The following NELL1 variants were observed in gnomAD, a reference collection of about 807,000 sequenced individuals.
NELL1 encodes protein kinase C-binding protein NELL1.
A neutral mutation model predicts 107.4 loss-of-function variants in NELL1; 76 were observed. That is an observed-to-expected ratio of 0.71 (90% CI 0.59 to 0.86). The LOEUF (loss-of-function observed/expected upper bound fraction) is 0.86. Among genes scored for constraint, NELL1 ranks in the 40% least tolerant of loss-of-function variants. The pLI is 0.00. For synonymous variants in NELL1, 353 were observed against 341.2 expected, an observed-to-expected ratio of 1.03 and a Z score of -0.38; for missense variants, 1,024 against 1,005.5, an observed-to-expected ratio of 1.02 and a Z score of -0.25.
intron 16 of NELL1, among the ~76,000 whole-genome samples, chr11:21,551,651 G>C (rs1856588210): frequency 6.6e-6 from 1 of 151,644 alleles, no homozygotes; most frequent in Admixed American, 6.6e-5. Flanking sequence ...GTGCTGGAAA[G>C]GATGTGGAGA....
intron 12 of NELL1, among the ~76,000 whole-genome samples, chr11:21,038,849 A>T (rs1003301504): frequency 6.6e-6 from 1 of 152,200 alleles, no homozygotes; most frequent in Non-Finnish European, 1.5e-5. Context: ...GTCACTAAGC[A>T]TGCTGTTTAT....
At chr11:21,542,091 A>C (rs988619523) in intron 16 of NELL1, among the ~76,000 whole-genome samples, 25 of 152,074 alleles carry the variant, frequency 1.6e-4, no homozygotes, top group Non-Finnish European at 7.4e-5. Flanking sequence ...TTAACCGAAC[A>C]ACTACATGAT....
In NELL1 at chr11:21,327,512, C is replaced by A. The variant is rs138909829; in HGVS notation, c.1550-43341C>A. Among the ~76,000 whole-genome samples the A allele has an allele frequency of 3.3e-3, 499 of 152,198 alleles. 15 individuals carry two copies. The East Asian group carries it at 0.059, about 18-fold the overall frequency. ...AACTGTGAGTCAATTAAACCTCTTTCCTTTATAAATTACCTAGTCTCCAGT... is the reference window on the plus strand; with the variant it reads ...AACTGTGAGTCAATTAAACCTCTTTACTTTATAAATTACCTAGTCTCCAGT... On this transcript the variant is annotated intron_variant, in intron 14 of 19. Coordinates refer to ENST00000357134, the MANE Select transcript of NELL1 (RefSeq NM_006157.5).
At chr11:21,312,401 TTTAAG>T (rs1232647370) in intron 14 of NELL1, among the ~76,000 whole-genome samples, 3 of 152,036 alleles carry the variant, frequency 2.0e-5, no homozygotes, top group Non-Finnish European at 2.9e-5. Flanking sequence ...TTTGTCCAAA[TTTAAG>T]TTAACACATT....
chr11:21,574,864 T>C, intron 19 of NELL1, 108 bp from the exon 20 acceptor site: 2 of 873,452 alleles, frequency 2.3e-6, no homozygotes, highest in Non-Finnish European at 3.7e-6. Flanking sequence ...TATAGCCTTC[T>C]TGAAGTTTGT....
At chr11:20,945,351 C>T (rs1419651150) in intron 10 of NELL1, among the ~76,000 whole-genome samples, 2 of 152,238 alleles carry the variant, frequency 1.3e-5, no homozygotes, top group South Asian at 2.1e-4. Flanking sequence ...ATATCCCATA[C>T]CATTCATTCA....
intron 13 of NELL1, among the ~76,000 whole-genome samples, chr11:21,180,840 T>G (rs185819371): frequency 4.0e-5 from 6 of 151,444 alleles, no homozygotes; most frequent in Non-Finnish European, 7.4e-5. Context: ...AAAGAAATCT[T>G]TCTCCATGGA....
intron 15 of NELL1, among the ~76,000 whole-genome samples, chr11:21,396,874 G>A (rs1015135645): frequency 5.9e-5 from 9 of 151,690 alleles, no homozygotes; most frequent in Middle Eastern, 3.4e-3. Context: ...GAGACTGTAC[G>A]TAACACTGTG....
At chr11:20,866,767 T>A (rs186190885) in intron 4 of NELL1, among the ~76,000 whole-genome samples, 148 of 152,318 alleles carry the variant, frequency 9.7e-4, no homozygotes, top group Non-Finnish European at 1.8e-3. Context: ...GAAGGACTAT[T>A]CATTGTGTAA....
chr11:21,101,742 C>T (rs556457751), intron 12 of NELL1, among the ~76,000 whole-genome samples: 93 of 152,192 alleles, frequency 6.1e-4, no homozygotes, highest in African/African-American at 2.1e-3. Flanking sequence ...GATATTAGCC[C>T]TTTGTCAGAT....
intron 4 of NELL1, among the ~76,000 whole-genome samples, chr11:20,853,732 A>G (rs1290649022): frequency 1.3e-5 from 2 of 152,214 alleles, no homozygotes; most frequent in Non-Finnish European, 2.9e-5. Context: ...CATAATGTGT[A>G]ATGTAGATTC....
At chr11:20,838,828 C>A (rs1429780) in intron 3 of NELL1, among the ~76,000 whole-genome samples, 80,033 of 151,966 alleles carry the variant, frequency 0.53, 24,854 homozygotes, top group Non-Finnish European at 0.7. Context: ...ACAACTACAA[C>A]CACCACTATA....
chr11:21,082,457 T>C (rs934844771), intron 12 of NELL1, among the ~76,000 whole-genome samples: 1 of 152,190 alleles, frequency 6.6e-6, no homozygotes, highest in African/African-American at 2.4e-5. Context: ...TGTCATTATA[T>C]GACAATTTTC....
chr11:20,915,717 A>ATATATATATAT, intron 5 of NELL1, among the ~76,000 whole-genome samples: 9 of 58,224 alleles, frequency 1.5e-4, no homozygotes, highest in South Asian at 5.9e-4. Flanking sequence ...ATATATATAT[A>ATATATATATAT]TTTTTTTTTT....
chr11:20,800,946 C>T (rs373059239), intron 3 of NELL1, among the ~76,000 whole-genome samples: 2 of 151,988 alleles, frequency 1.3e-5, no homozygotes, highest in Non-Finnish European at 2.9e-5. Flanking sequence ...TATCCTTCCA[C>T]AATTAAAAAA....
At chr11:21,076,578 C>T (rs1416618036) in intron 12 of NELL1, among the ~76,000 whole-genome samples, 1 of 152,146 alleles carries the variant, frequency 6.6e-6, no homozygotes, top group Non-Finnish European at 1.5e-5. Flanking sequence ...GCCAGCGGAG[C>T]TGTATTTGAT....
intron 15 of NELL1, among the ~76,000 whole-genome samples, chr11:21,441,377 G>C (rs934958249): frequency 7.9e-6 from 1 of 126,682 alleles, no homozygotes; most frequent in Non-Finnish European, 1.6e-5. Context: ...GTGTGTGTGT[G>C]TGTGTTCTAT....
intron 16 of NELL1, among the ~76,000 whole-genome samples, chr11:21,540,937 T>C (rs1856276727): frequency 6.6e-6 from 1 of 152,144 alleles, no homozygotes; most frequent in Non-Finnish European, 1.5e-5. Context: ...CATTCAGTTC[T>C]TCTAATAATA....
At position 21,541,837 on chromosome 11, in the gene NELL1, G is replaced by C. The variant is rs188257857; in HGVS notation, c.1786+7323G>C. ...ATTTCCTGACAAGTATTATATGATA[G>C]TCAACATTTAACCTCCCTTCACCTC... is the stretch of plus-strand genomic sequence containing the variant. On this transcript the variant is annotated intron_variant, in intron 16 of 19. Coordinates refer to ENST00000357134, the MANE Select transcript of NELL1 (RefSeq NM_006157.5). Among the ~76,000 whole-genome samples, 9 of 152,150 alleles carry C rather than the reference G, an allele frequency of 5.9e-5. 1 individual carries two copies. Among genetic ancestry groups the C allele is most frequent in the African/African-American group, 1.9e-4 (8 of 41,540 alleles).
Sources: gnomAD v4.1 joint callset for allele counts (sites outside exome capture counted in the v4.1 genomes callset) on GRCh38, gnomAD v4.1.1 for gene constraint, MANE v1.5 for transcripts, NCBI Gene and HGNC (gene_info 2026-07-23, HGNC 2026-07-21) for gene names.